Variants in LAMP2 observed in about 807,000 individuals in gnomAD.
The protein encoded by LAMP2 is lysosome associated membrane protein 2.
Under a neutral mutation model 25.6 loss-of-function variants are expected in LAMP2, and 4 were observed. The observed-to-expected ratio is 0.16, with a 90% CI of 0.08 to 0.36. LAMP2 has a LOEUF of 0.36. Among genes scored for constraint, LAMP2 ranks in the 10% least tolerant of loss-of-function variants. The pLI, the probability that LAMP2 is intolerant of heterozygous loss-of-function variation, is 1.00. For synonymous variants in LAMP2, 108 were observed against 112.7 expected, an observed-to-expected ratio of 0.96 and a Z score of 0.27; for missense variants, 272 against 301.4, an observed-to-expected ratio of 0.90 and a Z score of 0.72.
intron 1 of LAMP2, among the ~76,000 whole-genome samples, chrX:120,468,781 C>T (rs939648940): frequency 1.5e-4 from 17 of 111,357 alleles, no homozygotes; most frequent in African/African-American, 5.6e-4. Flanking sequence ...ATGTACCACC[C>T]TCCTACGCTC....
In LAMP2 at chrX:120,466,891, G is replaced by GGAAT. The variant is rs750962381; in HGVS notation, c.64+2211_64+2214dup. ...GAGTTTCGCTCATGTTGCCCAGGCT[G>GGAAT]GAATGCAGTGGCGCAATCTTGGCTC... On this transcript the variant is annotated intron_variant, in intron 1 of 8. Coordinates refer to ENST00000200639, the MANE Select transcript of LAMP2 (RefSeq NM_002294.3). Among the ~76,000 whole-genome samples, 166 of 102,571 alleles carry GGAAT rather than the reference G, an allele frequency of 1.6e-3. 1 individual carries two copies. Among genetic ancestry groups the GGAAT allele is most frequent in the African/African-American group, 5.5e-3 (153 of 27,870 alleles). The allele number at this position is 102,571 out of a possible 115,157, so 89.1% of individuals were successfully genotyped here.
In LAMP2 at chrX:120,429,057, G is replaced by T. The variant is rs2058510798; in HGVS notation, c.*2266C>A. On this transcript the variant is annotated 3_prime_UTR_variant, in exon 9 of 9. Transcript: ENST00000200639. ...TAAGTTAAAAAAGACTTAGGATCAA[G>T]AATGTAGTATATATATACATATATA... The T allele has an allele frequency of 3.4e-5, 19 of 559,308 alleles. No homozygotes were observed. The highest frequency in any genetic ancestry group is 3.9e-5 in the Non-Finnish European group (18 of 466,103). The allele number at this position is 559,308 out of a possible 1,213,427, so 46.1% of individuals were successfully genotyped here.
chrX:120,459,640 T>C (rs1328387893), intron 1 of LAMP2, among the ~76,000 whole-genome samples: 2 of 112,449 alleles, frequency 1.8e-5, no homozygotes, highest in African/African-American at 6.5e-5. Flanking sequence ...AGTTACCCAA[T>C]ATACCCCTTT....
chrX:120,451,314 T>C (rs1286124094), intron 3 of LAMP2, among the ~76,000 whole-genome samples: 1 of 112,423 alleles, frequency 8.9e-6, no homozygotes, highest in Non-Finnish European at 1.9e-5. Flanking sequence ...AATAAATTAG[T>C]AGTTTTTTAT....
At chrX:120,461,655 ATGAG>A (rs1921317774) in intron 1 of LAMP2, among the ~76,000 whole-genome samples, 1 of 112,107 alleles carries the variant, frequency 8.9e-6, no homozygotes, top group Non-Finnish European at 1.9e-5. Context: ...GTCATCTATC[ATGAG>A]TGTCATGGTA....
At position 120,429,945 on chromosome X, in the gene LAMP2, T is replaced by A. The variant is rs2058515949; in HGVS notation, c.*1378A>T. 1.3e-6 allele frequency: 1 copy of A among 752,149 alleles called. No homozygotes were observed. Among genetic ancestry groups the A allele is most frequent in the Non-Finnish European group, 1.6e-6 (1 of 638,169 alleles). 62.0% of individuals were successfully genotyped at this position (752,149 alleles called of 1,213,427 possible). On this transcript the variant is annotated 3_prime_UTR_variant, in exon 9 of 9. Coordinates refer to ENST00000200639, the MANE Select transcript of LAMP2 (RefSeq NM_002294.3). ...ATTTTAACTTTTCCTCCTCTTGTAC[T>A]TTTACCATTCATAAAAATGTTGCTA... is the stretch of plus-strand genomic sequence containing the variant.
At chrX:120,452,411 G>GT (rs2058625259) in intron 3 of LAMP2, among the ~76,000 whole-genome samples, 1 of 111,897 alleles carries the variant, frequency 8.9e-6, no homozygotes, top group African/African-American at 3.2e-5. Flanking sequence ...CATTAGCTGA[G>GT]TTTCAGCTCA....
chrX:120,448,419 A>G (rs1402596667), intron 4 of LAMP2, among the ~76,000 whole-genome samples: 1 of 112,581 alleles, frequency 8.9e-6, no homozygotes, highest in Non-Finnish European at 1.9e-5. Context: ...AAGGAAGGAT[A>G]CTGTTTACTA....
chrX:120,428,463 A>G lies in LAMP2; in HGVS notation c.*2860T>C, dbSNP rs755988734. 3.5e-6 allele frequency: 4 copies of G among 1,151,350 alleles called. No individual in the cohort carries two copies. In the South Asian group the frequency reaches 6.5e-5, roughly 19 times the overall value. The allele number at this position is 1,151,350 out of a possible 1,213,427, so 94.9% of individuals were successfully genotyped here. On this transcript the variant is annotated 3_prime_UTR_variant, in exon 9 of 9. Coordinates refer to ENST00000200639, the MANE Select transcript of LAMP2 (RefSeq NM_002294.3). ...CGTAACTTCTAATTGAAAAAAACAAACAAACACTAGATTTAACTGATTACA... is the reference window on the plus strand; with the variant it reads ...CGTAACTTCTAATTGAAAAAAACAAGCAAACACTAGATTTAACTGATTACA...
intron 3 of LAMP2, among the ~76,000 whole-genome samples, chrX:120,450,681 G>C (rs1321501347): frequency 9.0e-6 from 1 of 111,072 alleles, no homozygotes; most frequent in Non-Finnish European, 1.9e-5. Flanking sequence ...AGGCAAGAAG[G>C]AAAATGGGTC....
At chrX:120,437,886 G>C in intron 8 of LAMP2, 5 of 664,146 alleles carry the variant, frequency 7.5e-6, no homozygotes, top group Non-Finnish European at 9.0e-6. Context: ...ATGGAGTTTC[G>C]TTTTTGTCGC....
In LAMP2 at chrX:120,430,834, T is replaced by G. The variant is rs2058519931; in HGVS notation, c.*489A>C. 1 of 756,960 alleles carries G rather than the reference T, an allele frequency of 1.3e-6. No individual in the cohort carries two copies. Among genetic ancestry groups the G allele is most frequent in the African/African-American group, 2.3e-5 (1 of 43,312 alleles). The allele number at this position is 756,960 out of a possible 1,213,427, so 62.4% of individuals were successfully genotyped here. A position where few individuals can be genotyped will look rare whatever the true frequency, so the allele number is the denominator to read the frequency against. On this transcript the variant is annotated 3_prime_UTR_variant, in exon 9 of 9. Coordinates refer to ENST00000200639, the MANE Select transcript of LAMP2 (RefSeq NM_002294.3). ...ACTGAAAACCAAGTTTAAGCATATCTGATGGGCATTTATACCACATCAATA... is the reference window on the plus strand; with the variant it reads ...ACTGAAAACCAAGTTTAAGCATATCGGATGGGCATTTATACCACATCAATA...
intron 8 of LAMP2, chrX:120,436,824 G>C: frequency 1.4e-6 from 1 of 735,391 alleles, no homozygotes; most frequent in East Asian, 1.5e-4. Context: ...ACTGAAGTCA[G>C]GTTTTCTATA....
chrX:120,429,611 A>G lies in LAMP2; in HGVS notation c.*1712T>C, dbSNP rs1178886772. The G allele has an allele frequency of 1.7e-5, 13 of 747,960 alleles. No individual in the cohort carries two copies. Among genetic ancestry groups the G allele is most frequent in the Non-Finnish European group, 2.0e-5 (13 of 635,922 alleles). The allele number at this position is 747,960 out of a possible 1,213,427, so 61.6% of individuals were successfully genotyped here. ...TGGTATATTACTACTGAAAAAGCCC[A>G]TATTAGTATTAAAAAAAAAACTTAA... On this transcript the variant is annotated 3_prime_UTR_variant, in exon 9 of 9. Transcript: ENST00000200639.
rs1315624011 is a variant in LAMP2 at position 120,441,886 on chromosome X, T to G, written c.937A>C (p.Ile313Leu). Reference sequence around the variant, plus strand: ...CAGTAGCTGAGATTGTTATTTGCAATGCTGAAAACTTCAAAGAAAAGAAAC... The same window carrying G: ...CAGTAGCTGAGATTGTTATTTGCAAGGCTGAAAACTTCAAAGAAAAGAAAC... Reference protein sequence around the residue: ...MYLVNGSVFSIANNNLSYWDA... With the variant: ...MYLVNGSVFSLANNNLSYWDA... The change falls in exon 8 of 9, where the codon ATT (isoleucine) becomes CTT (leucine). Residue 313 changes from isoleucine to leucine, a missense_variant. Coordinates refer to ENST00000200639, the MANE Select transcript of LAMP2 (RefSeq NM_002294.3). 1 of 1,209,043 alleles carries G rather than the reference T, an allele frequency of 8.3e-7. No homozygotes were observed. The highest frequency in any genetic ancestry group is 1.8e-5 in the South Asian group (1 of 56,950).
intron 1 of LAMP2, among the ~76,000 whole-genome samples, chrX:120,458,440 T>C (rs1029217763): frequency 3.6e-5 from 4 of 111,629 alleles, no homozygotes; most frequent in Admixed American, 9.6e-5. Flanking sequence ...AAGGTAGAGG[T>C]TGTGGTTCAA....
chrX:120,454,912 T>TAC lies in LAMP2; in HGVS notation c.397+444_397+445insGT, dbSNP rs1257300706. Among the ~76,000 whole-genome samples, 217 of 86,471 alleles carry TAC rather than the reference T, an allele frequency of 2.5e-3. 2 individuals carry two copies. Among genetic ancestry groups the TAC allele is most frequent in the African/African-American group, 9.1e-3 (209 of 22,850 alleles). 75.1% of individuals were successfully genotyped at this position (86,471 alleles called of 115,157 possible). On this transcript the variant is annotated intron_variant, in intron 3 of 8. Transcript: ENST00000200639. ...GTATACTAGGAGATATATATATATA[T>TAC]ATACACACACACACACACTAGGATA...
chrX:120,439,384 G>T, intron 8 of LAMP2: 1 of 865,119 alleles, frequency 1.2e-6, no homozygotes, highest in Non-Finnish European at 1.7e-6. Flanking sequence ...AGTCAGAAAT[G>T]TTCTTACAAG....
intron 8 of LAMP2, chrX:120,437,155 G>C: frequency 4.0e-6 from 3 of 750,120 alleles, no homozygotes; most frequent in Non-Finnish European, 4.7e-6. Flanking sequence ...AGAGGGGTTA[G>C]TCAGGAATCT....
Sources: allele counts gnomAD v4.1 joint callset (sites outside exome capture counted in the v4.1 genomes callset), GRCh38; gene constraint gnomAD v4.1.1; transcripts MANE v1.5; gene names NCBI Gene and HGNC (gene_info 2026-07-23, HGNC 2026-07-21).